The following RFPL1 variants were observed in gnomAD, a reference collection of about 807,000 sequenced individuals.
The protein encoded by RFPL1 is ret finger protein-like 1.
In RFPL1, 6 loss-of-function variants were observed where a neutral mutation model predicts 9.6. The observed-to-expected ratio is 0.62, with a 90% CI of 0.34 to 1.23. RFPL1 has a LOEUF of 1.23. Ranked by LOEUF, RFPL1 falls within the 50% of genes most tolerant of loss-of-function variation. The pLI, the probability that RFPL1 is intolerant of heterozygous loss-of-function variation, is 0.03. For missense variants in RFPL1, 352 were observed against 398.4 expected (o/e 0.88, Z 0.99); for synonymous variants, 145 against 149.4 (o/e 0.97, Z 0.22).
At chr22:29,426,025 A>G in the RFPL1 span, among the ~76,000 whole-genome samples, 15 of 152,232 alleles carry the variant, frequency 9.9e-5, no homozygotes, top group East Asian at 2.1e-3. Flanking sequence ...ACAACTGTGT[A>G]AAAGAAGTTA....
chr22:29,414,304 G>T, the RFPL1 span, among the ~76,000 whole-genome samples: 1,008 of 152,040 alleles, frequency 6.6e-3, 11 homozygotes, highest in African/African-American at 0.023. Context: ...ATTTTCTAAG[G>T]CCACAGATTA....
At chr22:29,408,108 G>C in the RFPL1 span, among the ~76,000 whole-genome samples, 1 of 152,114 alleles carries the variant, frequency 6.6e-6, no homozygotes, top group Non-Finnish European at 1.5e-5. Flanking sequence ...AAACACAACA[G>C]GGTAGATGAT....
the RFPL1 span, among the ~76,000 whole-genome samples, chr22:29,392,171 C>A: frequency 6.6e-6 from 1 of 152,030 alleles, no homozygotes; most frequent in Non-Finnish European, 1.5e-5. Context: ...CCTCTGCCTC[C>A]CGGGCTCAAG....
At chr22:29,420,657 T>TTTTTTTTG in the RFPL1 span, among the ~76,000 whole-genome samples, 1 of 142,864 alleles carries the variant, frequency 7.0e-6, no homozygotes. Flanking sequence ...TTTTTTTTTT[T>TTTTTTTTG]TGAGACGAAG....
chr22:29,419,034 A>G, the RFPL1 span: 1 of 682,800 alleles, frequency 1.5e-6, no homozygotes, highest in South Asian at 1.7e-5. Context: ...TTATGAAGGG[A>G]GCTGTATGAG....
chr22:29,424,248 G>T, the RFPL1 span, among the ~76,000 whole-genome samples: 1 of 152,082 alleles, frequency 6.6e-6, no homozygotes, highest in African/African-American at 2.4e-5. Flanking sequence ...AAAATTTACT[G>T]AGCATCTACT....
the RFPL1 span, among the ~76,000 whole-genome samples, chr22:29,394,448 T>G: frequency 6.6e-6 from 1 of 152,312 alleles, no homozygotes; most frequent in African/African-American, 2.4e-5. Flanking sequence ...GGTCAAGCCA[T>G]TCTCCTGCCT....
At chr22:29,411,970 T>C in the RFPL1 span, among the ~76,000 whole-genome samples, 17 of 152,218 alleles carry the variant, frequency 1.1e-4, no homozygotes, top group African/African-American at 4.1e-4. Context: ...CCCACCTCAG[T>C]TGGAGTGAGC....
the RFPL1 span, among the ~76,000 whole-genome samples, chr22:29,390,291 C>T: frequency 6.6e-6 from 1 of 152,110 alleles, no homozygotes; most frequent in Non-Finnish European, 1.5e-5. Flanking sequence ...GCACTTACTG[C>T]TAAGTGCACT....
upstream of RFPL1, chr22:29,437,797 G>A: frequency 6.9e-7 from 1 of 1,449,900 alleles, no homozygotes; most frequent in Non-Finnish European, 9.3e-7. Flanking sequence ...ATGCCTTGGG[G>A]GATGAATGAG....
At chr22:29,410,523 G>T in the RFPL1 span, among the ~76,000 whole-genome samples, 1 of 112,864 alleles carries the variant, frequency 8.9e-6, no homozygotes, top group African/African-American at 3.4e-5. Flanking sequence ...ATATATTGTA[G>T]ATATATATAT....
the RFPL1 span, among the ~76,000 whole-genome samples, chr22:29,388,200 G>A: frequency 1.3e-5 from 2 of 152,130 alleles, no homozygotes; most frequent in Admixed American, 6.5e-5. Context: ...GCCCCAGGAG[G>A]TGCTGCGGGT....
At chr22:29,388,001 G>T in the RFPL1 span, among the ~76,000 whole-genome samples, 2 of 152,176 alleles carry the variant, frequency 1.3e-5, no homozygotes, top group Non-Finnish European at 2.9e-5. Context: ...CGGGCGGCAC[G>T]GGACCGTTTT....
upstream of RFPL1, chr22:29,435,051 G>A (rs1380359435): frequency 6.6e-6 from 1 of 152,202 alleles, no homozygotes; most frequent in Non-Finnish European, 1.5e-5. Flanking sequence ...TATGCTCAAT[G>A]CAAGAAACTT....
the RFPL1 span, among the ~76,000 whole-genome samples, chr22:29,401,010 C>G: frequency 1.3e-5 from 2 of 152,224 alleles, no homozygotes; most frequent in Non-Finnish European, 2.9e-5. Flanking sequence ...TCTCACTTTT[C>G]ACTTTTGCAG....
chr22:29,417,090 A>C, the RFPL1 span, among the ~76,000 whole-genome samples: 4,939 of 152,138 alleles, frequency 0.032, 140 homozygotes, highest in South Asian at 0.1. Flanking sequence ...CCAAAAGCCA[A>C]AATGTATGTG....
chr22:29,389,794 G>T, the RFPL1 span, among the ~76,000 whole-genome samples: 30 of 150,320 alleles, frequency 2.0e-4, no homozygotes, highest in East Asian at 5.5e-3. Flanking sequence ...TAGATCATTT[G>T]TTTTTTTTTG....
the RFPL1 span, among the ~76,000 whole-genome samples, chr22:29,396,083 G>A: frequency 1.3e-5 from 2 of 152,016 alleles, no homozygotes; most frequent in Non-Finnish European, 2.9e-5. Context: ...TAAGAGAAAA[G>A]AGAAGAGAAG....
At chr22:29,425,122 T>C in the RFPL1 span, among the ~76,000 whole-genome samples, 1 of 146,208 alleles carries the variant, frequency 6.8e-6, no homozygotes, top group Non-Finnish European at 1.5e-5. Flanking sequence ...GAGAATGGCG[T>C]GGACCCGGGA....
Sources: gnomAD v4.1 joint callset for allele counts (sites outside exome capture counted in the v4.1 genomes callset) on GRCh38, gnomAD v4.1.1 for gene constraint, MANE v1.5 for transcripts, NCBI Gene and HGNC (gene_info 2026-07-23, HGNC 2026-07-21) for gene names.